FOXP1: variants seen among roughly 807,000 people sequenced by gnomAD.
FOXP1 encodes forkhead box P1.
A neutral mutation model predicts 98.2 loss-of-function variants in FOXP1; 15 were observed. The ratio of observed to expected loss-of-function variants is 0.15; its 90% CI spans 0.10 to 0.24. The LOEUF is 0.24. Among genes scored for constraint, FOXP1 ranks in the 10% least tolerant of loss-of-function variants. The pLI is 1.00. For synonymous variants in FOXP1, 371 were observed against 314.5 expected (o/e 1.18, Z -1.90); for missense variants, 633 against 848.5 (o/e 0.75, Z 3.15).
intron 7 of FOXP1, among the ~76,000 whole-genome samples, chr3:71,099,408 A>C (rs776619237): frequency 2.0e-5 from 3 of 152,146 alleles, no homozygotes; most frequent in Non-Finnish European, 2.9e-5. Flanking sequence ...GCTACTCCAG[A>C]GGCTGAGGCG....
chr3:71,460,794 T>C (rs1184229117), intron 3 of FOXP1, among the ~76,000 whole-genome samples: 2 of 152,202 alleles, frequency 1.3e-5, no homozygotes, highest in African/African-American at 2.4e-5. Flanking sequence ...CATTATACAC[T>C]GGTAGCTGAG....
chr3:71,379,616 A>C (rs1029019333), intron 3 of FOXP1, among the ~76,000 whole-genome samples: 4 of 152,224 alleles, frequency 2.6e-5, no homozygotes, highest in Non-Finnish European at 4.4e-5. Flanking sequence ...GGGAAAAAAA[A>C]AAATCTAAAG....
At chr3:71,362,733 G>A (rs528996804) in intron 3 of FOXP1, among the ~76,000 whole-genome samples, 11 of 152,280 alleles carry the variant, frequency 7.2e-5, no homozygotes, top group African/African-American at 2.6e-4. Flanking sequence ...GTCTCCCAAA[G>A]TGCTGGGACT....
At chr3:70,992,591 C>T (rs1343568612) in intron 13 of FOXP1, among the ~76,000 whole-genome samples, 1 of 152,186 alleles carries the variant, frequency 6.6e-6, no homozygotes, top group African/African-American at 2.4e-5. Context: ...CTACCGCATT[C>T]AGGTGGTGGG....
At position 71,126,289 on chromosome 3, in the gene FOXP1, A is replaced by T. The variant is rs2593854; in HGVS notation, c.181-13652T>A. On this transcript the variant is annotated intron_variant, in intron 6 of 20. Transcript: ENST00000649528. ...CACCAGGTCAGGAGATCGAGACCAT[A>T]CTGGCTAACACAGCGAAACCCCGTC... is the stretch of plus-strand genomic sequence containing the variant. 3.3e-5 allele frequency among the ~76,000 whole-genome samples: 5 copies of T among 149,528 alleles called. No individual in the cohort carries two copies. In the South Asian group the frequency reaches 1.1e-3, roughly 32 times the overall value.
At chr3:71,204,357 C>A (rs1295564776) in intron 5 of FOXP1, among the ~76,000 whole-genome samples, 1 of 152,186 alleles carries the variant, frequency 6.6e-6, no homozygotes, top group Admixed American at 6.5e-5. Flanking sequence ...CAGTGGGGTG[C>A]AGCTCCACAG....
intron 6 of FOXP1, among the ~76,000 whole-genome samples, chr3:71,152,330 T>C (rs896718002): frequency 3.2e-4 from 48 of 152,228 alleles, no homozygotes; most frequent in African/African-American, 1.2e-3. Context: ...ACCCCCTGAG[T>C]ACAGATTTGT....
intron 2 of FOXP1, among the ~76,000 whole-genome samples, chr3:71,513,378 A>AT (rs1173740484): frequency 2.6e-5 from 4 of 152,022 alleles, no homozygotes; most frequent in Admixed American, 1.3e-4. Flanking sequence ...CATCTATTCC[A>AT]TTAGGAAATC....
At chr3:71,441,710 CA>C (rs1028256838) in intron 3 of FOXP1, among the ~76,000 whole-genome samples, 6 of 152,168 alleles carry the variant, frequency 3.9e-5, no homozygotes, top group Admixed American at 3.9e-4. Flanking sequence ...CTCAAGTTCT[CA>C]AACTCATTCT....
At chr3:71,310,191 A>G (rs184572230) in intron 4 of FOXP1, among the ~76,000 whole-genome samples, 57 of 152,314 alleles carry the variant, frequency 3.7e-4, no homozygotes, top group Non-Finnish European at 2.6e-4. Context: ...TGGTACATGA[A>G]ACCAGCAACT....
chr3:71,371,275 G>T (rs1363303514), intron 3 of FOXP1, among the ~76,000 whole-genome samples: 1 of 152,138 alleles, frequency 6.6e-6, no homozygotes, highest in Non-Finnish European at 1.5e-5. Flanking sequence ...TTAGAAAAGG[G>T]TTTTCTCATT....
At chr3:71,291,007 T>C (rs1255042751) in intron 5 of FOXP1, among the ~76,000 whole-genome samples, 2 of 152,194 alleles carry the variant, frequency 1.3e-5, no homozygotes, top group Admixed American at 6.5e-5. Flanking sequence ...TCACCTTACA[T>C]GGACTTACCC....
intron 3 of FOXP1, among the ~76,000 whole-genome samples, chr3:71,377,899 T>A (rs2079841457): frequency 1.3e-5 from 2 of 152,202 alleles, no homozygotes; most frequent in Admixed American, 6.5e-5. Flanking sequence ...ACAGTTTTTG[T>A]CTATCAGAAT....
chr3:71,365,055 T>G lies in FOXP1; in HGVS notation c.-167-5811A>C, dbSNP rs933159780. On this transcript the variant is annotated intron_variant, in intron 3 of 20. Transcript: ENST00000649528. ...AAGTAATCACATGTAAACAAGTGGGTGTTGTTGTGTTCTAATAAAACGTTA... is the reference window on the plus strand; with the variant it reads ...AAGTAATCACATGTAAACAAGTGGGGGTTGTTGTGTTCTAATAAAACGTTA... 5.3e-5 allele frequency among the ~76,000 whole-genome samples: 8 copies of G among 152,210 alleles called. No homozygotes were observed. In the East Asian group the frequency reaches 1.5e-3, roughly 29 times the overall value.
intron 3 of FOXP1, among the ~76,000 whole-genome samples, chr3:71,464,701 A>AGACAAGTGGCCTCTCT (rs1311336776): frequency 2.0e-5 from 3 of 152,190 alleles, no homozygotes; most frequent in Admixed American, 6.5e-5. Flanking sequence ...GGATGACTGA[A>AGACAAGTGGCCTCTCT]GACAAGTGGC....
chr3:71,435,947 C>T (rs575180173), intron 3 of FOXP1, among the ~76,000 whole-genome samples: 1 of 23,020 alleles, frequency 4.3e-5, no homozygotes. Context: ...GAGGAAGGGA[C>T]GGAGGGAGGG....
At chr3:71,572,536 A>T (rs766492516) in intron 2 of FOXP1, 9 of 152,244 alleles carry the variant, frequency 5.9e-5, no homozygotes, top group Non-Finnish European at 1.5e-5. Flanking sequence ...CAAGTTACTA[A>T]AAAACATATA....
At chr3:71,436,909 C>T (rs949197818) in intron 3 of FOXP1, among the ~76,000 whole-genome samples, 1 of 152,144 alleles carries the variant, frequency 6.6e-6, no homozygotes, top group Non-Finnish European at 1.5e-5. Flanking sequence ...CAAAGCAACG[C>T]TGATCAACAC....
intron 6 of FOXP1, among the ~76,000 whole-genome samples, chr3:71,184,740 C>G (rs2062540431): frequency 1.3e-5 from 2 of 149,930 alleles, no homozygotes; most frequent in Non-Finnish European, 3.0e-5. Context: ...AATTAACATA[C>G]AGAATAGCTG....
Sources: allele counts gnomAD v4.1 joint callset (sites outside exome capture counted in the v4.1 genomes callset), GRCh38; gene constraint gnomAD v4.1.1; transcripts MANE v1.5; gene names NCBI Gene and HGNC (gene_info 2026-07-23, HGNC 2026-07-21).